Variants in SHANK2 observed in about 807,000 individuals in gnomAD.
SHANK2 encodes SH3 and multiple ankyrin repeat domains 2.
Under a neutral mutation model 133.7 loss-of-function variants are expected in SHANK2, and 43 were observed. The ratio of observed to expected loss-of-function variants is 0.32; its 90% CI spans 0.25 to 0.41. The LOEUF is 0.41. SHANK2 is among the 10% of genes least tolerant of loss of function. The pLI is 1.00. For missense variants in SHANK2, 1,994 were observed against 2,235.8 expected, an observed-to-expected ratio of 0.89 and a Z score of 2.18; for synonymous variants, 1,017 against 952.8, an observed-to-expected ratio of 1.07 and a Z score of -1.24.
At chr11:71,189,322 G>A (rs544244485) in intron 2 of SHANK2, among the ~76,000 whole-genome samples, 4 of 152,218 alleles carry the variant, frequency 2.6e-5, no homozygotes, top group Non-Finnish European at 4.4e-5. Context: ...ACCAATCAGT[G>A]CCTGTGTAAT....
At chr11:70,865,970 A>T (rs1949351107) in intron 11 of SHANK2, among the ~76,000 whole-genome samples, 1 of 152,066 alleles carries the variant, frequency 6.6e-6, no homozygotes, top group Non-Finnish European at 1.5e-5. Context: ...ACCCTCGGGC[A>T]CTGCTCCCCT....
chr11:70,797,437 C>G (rs185307206), intron 14 of SHANK2, among the ~76,000 whole-genome samples: 1 of 152,196 alleles, frequency 6.6e-6, no homozygotes, highest in South Asian at 2.1e-4. Flanking sequence ...CGAACTGAGT[C>G]CCCGTTGAAG....
intron 10 of SHANK2, among the ~76,000 whole-genome samples, chr11:70,920,723 T>C (rs1221245046): frequency 6.6e-6 from 1 of 152,184 alleles, no homozygotes; most frequent in East Asian, 1.9e-4. Flanking sequence ...CAGCAGAGTA[T>C]TGCTGGTAAG....
chr11:70,477,347 GGCCTGCCACA>G (rs1243299055), intron 25 of SHANK2: 2 of 152,336 alleles, frequency 1.3e-5, no homozygotes, highest in Non-Finnish European at 2.9e-5. Flanking sequence ...TGGTCCCTTC[GGCCTGCCACA>G]GCCTGCCCAG....
chr11:70,835,169 C>T (rs1555059715), intron 11 of SHANK2, among the ~76,000 whole-genome samples: 1 of 152,204 alleles, frequency 6.6e-6, no homozygotes. Context: ...AGCCCCAGTG[C>T]ACAGGACACT....
At chr11:71,159,006 T>G (rs1952959271) in intron 2 of SHANK2, among the ~76,000 whole-genome samples, 1 of 152,220 alleles carries the variant, frequency 6.6e-6, no homozygotes, top group African/African-American at 2.4e-5. Flanking sequence ...GGCAATGCCT[T>G]CATGTAAGGT....
chr11:70,675,797 G>A (rs1455586665), intron 15 of SHANK2, among the ~76,000 whole-genome samples: 2 of 152,228 alleles, frequency 1.3e-5, no homozygotes, highest in Non-Finnish European at 2.9e-5. Context: ...GGTAATGCCA[G>A]GGAGGAAGGA....
At chr11:70,662,033 C>T (rs1944559167) in intron 15 of SHANK2, 1 of 535,864 alleles carries the variant, frequency 1.9e-6, no homozygotes, top group Non-Finnish European at 3.4e-6. Flanking sequence ...AAGTAAGTGG[C>T]CCGAACGGCG....
At chr11:70,854,337 G>A (rs1016712491) in intron 11 of SHANK2, among the ~76,000 whole-genome samples, 1 of 152,238 alleles carries the variant, frequency 6.6e-6, no homozygotes, top group African/African-American at 2.4e-5. Context: ...GTCCAGCAGA[G>A]AGAAGGCTGC....
chr11:71,211,898 T>C lies in SHANK2; in HGVS notation c.-13+12799A>G, dbSNP rs898581270. On this transcript the variant is annotated intron_variant, in intron 2 of 25. Transcript: ENST00000601538. ...TGCATGGTTCTTTAAGTTGCATGCC[T>C]GAATCACTTCAAAATATGAGATGGG... Among the ~76,000 whole-genome samples the C allele has an allele frequency of 2.0e-5, 3 of 152,358 alleles. No homozygotes were observed. The South Asian group carries it at 6.2e-4, about 32-fold the overall frequency.
chr11:71,231,317 T>C (rs1954737745), intron 1 of SHANK2, among the ~76,000 whole-genome samples: 3 of 152,170 alleles, frequency 2.0e-5, no homozygotes, highest in Admixed American at 2.0e-4. Flanking sequence ...ATGAAAGATG[T>C]TCAACACACC....
chr11:70,820,073 C>T (rs1442566217), intron 12 of SHANK2, among the ~76,000 whole-genome samples: 1 of 152,150 alleles, frequency 6.6e-6, no homozygotes, highest in Non-Finnish European at 1.5e-5. Context: ...AAACAGGACC[C>T]GAGAGGCCAG....
At chr11:71,228,026 A>C (rs1954671708) in intron 1 of SHANK2, among the ~76,000 whole-genome samples, 5 of 151,328 alleles carry the variant, frequency 3.3e-5, no homozygotes, top group Admixed American at 3.3e-4. Context: ...ACTGACCAAG[A>C]AAAAAAAACA....
rs1555052267 is a variant in SHANK2, at chr11:70,807,614, G to C, written c.1494-443C>G. Among the ~76,000 whole-genome samples the C allele has an allele frequency of 6.6e-6, 1 of 152,190 alleles. No individual in the cohort carries two copies. ...GGAGGCTGAGGTGGGCAGACCACCT[G>C]AGATCACGAGTTCGGGACCAGCACG... On this transcript the variant is annotated intron_variant, in intron 12 of 25. Transcript: ENST00000601538. This position sits in a 1 kb window ranked among gnomAD's most constrained non-coding sequence, Gnocchi z 4.8.
At chr11:71,111,732 C>A (rs1360616563) in intron 5 of SHANK2, among the ~76,000 whole-genome samples, 1 of 152,212 alleles carries the variant, frequency 6.6e-6, no homozygotes, top group Non-Finnish European at 1.5e-5. Flanking sequence ...TGATCAAATG[C>A]CCTCAAACAC....
At chr11:70,877,368 C>T (rs1472354825) in intron 11 of SHANK2, among the ~76,000 whole-genome samples, 2 of 152,198 alleles carry the variant, frequency 1.3e-5, no homozygotes, top group African/African-American at 4.8e-5. Context: ...CTATAGTAAC[C>T]GGCCACTGGG....
intron 10 of SHANK2, among the ~76,000 whole-genome samples, chr11:70,897,960 ACTTTTTTTTTT>A (rs2135668183): frequency 6.7e-6 from 1 of 149,428 alleles, no homozygotes; most frequent in South Asian, 2.1e-4. Context: ...ACACACACAC[ACTTTTTTTTTT>A]CTTTTTTTTT....
At chr11:70,689,936 T>C (rs1444567589) in intron 15 of SHANK2, among the ~76,000 whole-genome samples, 1 of 152,192 alleles carries the variant, frequency 6.6e-6, no homozygotes, top group Non-Finnish European at 1.5e-5. Flanking sequence ...AAGCAATGCC[T>C]GGAGAGTTTT....
chr11:70,532,990 G>A (rs1269052902), intron 17 of SHANK2, among the ~76,000 whole-genome samples: 1 of 152,166 alleles, frequency 6.6e-6, no homozygotes, highest in Non-Finnish European at 1.5e-5. Context: ...AATGAAAGAA[G>A]CCACGAAGCA....
Sources: allele counts gnomAD v4.1 joint callset (sites outside exome capture counted in the v4.1 genomes callset), GRCh38; gene constraint gnomAD v4.1.1; non-coding constraint Gnocchi (gnomAD v3.1); transcripts MANE v1.5; gene names NCBI Gene and HGNC (gene_info 2026-07-23, HGNC 2026-07-21).